PCP4: variants seen among roughly 807,000 people sequenced by gnomAD.
PCP4 encodes the protein Purkinje cell protein 4.
In PCP4, 8 loss-of-function variants were observed where a neutral mutation model predicts 10.0. The ratio of observed to expected loss-of-function variants is 0.80; its 90% CI spans 0.47 to 1.45. The LOEUF (loss-of-function observed/expected upper bound fraction) is 1.45. Ranked by LOEUF, PCP4 falls within the 40% of genes most tolerant of loss-of-function variation. PCP4 has a pLI of 0.00. For missense variants in PCP4, 54 were observed against 74.4 expected, an observed-to-expected ratio of 0.73 and a Z score of 1.01; for synonymous variants, 21 against 23.0, an observed-to-expected ratio of 0.91 and a Z score of 0.24.
intron 1 of PCP4, among the ~76,000 whole-genome samples, chr21:39,874,931 G>A (rs1411894489): frequency 3.3e-5 from 5 of 152,116 alleles, no homozygotes; most frequent in Admixed American, 2.6e-4. Flanking sequence ...GTGTGGATAC[G>A]CTGGGCAGAT....
At chr21:39,868,357 A>G (rs1056306081) in intron 1 of PCP4, among the ~76,000 whole-genome samples, 2 of 152,152 alleles carry the variant, frequency 1.3e-5, no homozygotes, top group African/African-American at 4.8e-5. Flanking sequence ...TGACAGATGG[A>G]TGATTCTTTT....
At chr21:39,898,709 G>A (rs954188958) in intron 2 of PCP4, among the ~76,000 whole-genome samples, 182 bp downstream of exon 2, 1 of 152,196 alleles carries the variant, frequency 6.6e-6, no homozygotes, top group African/African-American at 2.4e-5. Context: ...AGAAAACTGA[G>A]CTAGCTAAAT....
At chr21:39,875,154 G>C (rs1347768864) in intron 1 of PCP4, among the ~76,000 whole-genome samples, 3 of 151,990 alleles carry the variant, frequency 2.0e-5, no homozygotes, top group Admixed American at 6.6e-5. Context: ...AATAGCCACT[G>C]TTTCGTTAGG....
intron 2 of PCP4, among the ~76,000 whole-genome samples, chr21:39,907,025 A>G (rs1020023855): frequency 1.9e-4 from 29 of 152,310 alleles, no homozygotes; most frequent in East Asian, 1.7e-3. Context: ...TCAGAAGCAA[A>G]ACCCCACCTA....
intron 2 of PCP4, among the ~76,000 whole-genome samples, chr21:39,912,267 T>G (rs1036027254): frequency 6.6e-6 from 1 of 152,194 alleles, no homozygotes; most frequent in East Asian, 1.9e-4. Context: ...TGCTGATAAT[T>G]AGAATGTGTC....
intron 2 of PCP4, among the ~76,000 whole-genome samples, chr21:39,927,339 G>GTCTGTCTA (rs2087628720): frequency 1.0e-5 from 1 of 98,870 alleles, no homozygotes; most frequent in African/African-American, 3.6e-5. Context: ...CTATCTATCT[G>GTCTGTCTA]TCTATCTATC....
chr21:39,907,665 C>T (rs767126460), intron 2 of PCP4, among the ~76,000 whole-genome samples: 7 of 152,028 alleles, frequency 4.6e-5, no homozygotes, highest in Non-Finnish European at 7.4e-5. Context: ...GGCGTGGTGG[C>T]GGGCACCTGT....
At chr21:39,926,175 G>A in intron 2 of PCP4, 1 of 387,830 alleles carries the variant, frequency 2.6e-6, no homozygotes, top group Non-Finnish European at 5.2e-6. Flanking sequence ...ATACAGAAAA[G>A]TAGCGATTCC....
rs903867892 is a variant in PCP4, at chr21:39,870,746, G to T, written c.9+3236G>T. Among the ~76,000 whole-genome samples the T allele has an allele frequency of 6.6e-5, 10 of 152,322 alleles. 1 individual carries two copies. Among genetic ancestry groups the T allele is most frequent in the East Asian group, 3.9e-4 (2 of 5,178 alleles). ...CCTGTTTAGGGTGCGGGTTGGAGACGTTCCAGGTCACGTAATCAAATGACA... is the reference window on the plus strand; with the variant it reads ...CCTGTTTAGGGTGCGGGTTGGAGACTTTCCAGGTCACGTAATCAAATGACA... On this transcript the variant is annotated intron_variant, in intron 1 of 2. Coordinates refer to ENST00000328619, the MANE Select transcript of PCP4 (RefSeq NM_006198.3).
chr21:39,912,062 C>T (rs571079919), intron 2 of PCP4, among the ~76,000 whole-genome samples: 222 of 152,312 alleles, frequency 1.5e-3, no homozygotes, highest in African/African-American at 5.0e-3. Flanking sequence ...TGCTACTGCT[C>T]CTGGGAGATG....
At chr21:39,872,758 A>G (rs529597903) in intron 1 of PCP4, among the ~76,000 whole-genome samples, 1 of 152,322 alleles carries the variant, frequency 6.6e-6, no homozygotes, top group South Asian at 2.1e-4. Flanking sequence ...TGGATTTATC[A>G]GTTGCTGTAA....
chr21:39,894,975 C>G (rs1230167994), intron 1 of PCP4, among the ~76,000 whole-genome samples: 2 of 152,188 alleles, frequency 1.3e-5, no homozygotes, highest in African/African-American at 4.8e-5. Flanking sequence ...CTCCGTCTGT[C>G]TGTTCATTTG....
rs780867119 is a variant in PCP4 at position 39,929,004 on chromosome 21, G to A, written c.82G>A (p.Glu28Lys). The change falls in exon 3 of 3, where the codon GAA becomes AAA. Residue 28 changes from glutamate to lysine, a missense_variant. Coordinates refer to ENST00000328619, the MANE Select transcript of PCP4 (RefSeq NM_006198.3). The stretch of plus-strand genomic sequence containing the variant: ...TACAGATGGACAGAAGAAAGTTCAA[G>A]AAGAATTTGACATTGACATGGATGC... ...GENDGQKKVQEEFDIDMDAPE... is the reference protein window; with the variant it reads ...GENDGQKKVQKEFDIDMDAPE... 1.7e-5 allele frequency: 28 copies of A among 1,612,896 alleles called. No homozygotes were observed. Among genetic ancestry groups the A allele is most frequent in the Non-Finnish European group, 2.2e-5 (26 of 1,179,530 alleles).
intron 1 of PCP4, among the ~76,000 whole-genome samples, chr21:39,886,618 G>C (rs1336307368): frequency 6.6e-6 from 1 of 152,054 alleles, no homozygotes; most frequent in East Asian, 1.9e-4. Context: ...AAATAAACAA[G>C]TGACAAGTAT....
intron 1 of PCP4, among the ~76,000 whole-genome samples, chr21:39,884,394 T>C (rs1376870367): frequency 6.6e-6 from 1 of 151,582 alleles, no homozygotes; most frequent in African/African-American, 2.4e-5. Context: ...GGTCAGGCTG[T>C]TCTCAAACTC....
At chr21:39,912,103 A>T (rs1441633682) in intron 2 of PCP4, among the ~76,000 whole-genome samples, 1 of 151,314 alleles carries the variant, frequency 6.6e-6, no homozygotes, top group Admixed American at 6.6e-5. Context: ...GATGTTAGAC[A>T]TTTTTTTTTC....
intron 1 of PCP4, among the ~76,000 whole-genome samples, chr21:39,869,315 G>C (rs372595425): frequency 6.6e-6 from 1 of 152,174 alleles, no homozygotes; most frequent in African/African-American, 2.4e-5. Flanking sequence ...GGGAGAAAGC[G>C]CGTGTTCCAG....
At chr21:39,897,784 C>G (rs997382446) in intron 1 of PCP4, among the ~76,000 whole-genome samples, 1 of 151,928 alleles carries the variant, frequency 6.6e-6, no homozygotes, top group African/African-American at 2.4e-5. Context: ...CGGTGGCTCA[C>G]GCCTGTAATC....
At chr21:39,925,810 C>T (rs2087618304) in intron 2 of PCP4, among the ~76,000 whole-genome samples, 1 of 152,130 alleles carries the variant, frequency 6.6e-6, no homozygotes, top group South Asian at 2.1e-4. Flanking sequence ...GCTCCTGTGG[C>T]CTTGTCACTG....
Sources: gnomAD v4.1 joint callset for allele counts (sites outside exome capture counted in the v4.1 genomes callset) on GRCh38, gnomAD v4.1.1 for gene constraint, MANE v1.5 for transcripts, NCBI Gene and HGNC (gene_info 2026-07-23, HGNC 2026-07-21) for gene names.